Variants in USP49 observed in about 807,000 individuals in gnomAD.
USP49 encodes ubiquitin carboxyl-terminal hydrolase 49.
USP49 carries 24 observed loss-of-function variants against 58.6 expected under a neutral mutation model. The ratio of observed to expected loss-of-function variants is 0.41; its 90% CI spans 0.30 to 0.58. The LOEUF is 0.58. Ranked by LOEUF, USP49 falls within the 20% of genes least tolerant of loss-of-function variation. USP49 has a pLI of 0.30. For missense variants in USP49, 703 were observed against 866.1 expected, an observed-to-expected ratio of 0.81 and a Z score of 2.36; for synonymous variants, 408 against 365.1, an observed-to-expected ratio of 1.12 and a Z score of -1.34.
intron 3 of USP49, among the ~76,000 whole-genome samples, chr6:41,818,578 C>G (rs182060300): frequency 6.6e-6 from 1 of 152,120 alleles, no homozygotes; most frequent in Non-Finnish European, 1.5e-5. Context: ...TTTGAGCCAC[C>G]CCAGGATCCT....
intron 7 of USP49, chr6:41,797,979 C>CA (rs1196435465): frequency 4.1e-6 from 1 of 241,014 alleles, no homozygotes; most frequent in Non-Finnish European, 6.7e-6. Context: ...GCAATTCTCC[C>CA]ACCTCAGCCT....
intron 3 of USP49, among the ~76,000 whole-genome samples, chr6:41,809,359 C>A (rs2127325880): frequency 6.6e-6 from 1 of 151,728 alleles, no homozygotes; most frequent in Admixed American, 6.5e-5. Flanking sequence ...CCCATCTCTA[C>A]TAAAAAAATA....
chr6:41,828,000 A>T (rs1232030018), intron 3 of USP49, among the ~76,000 whole-genome samples: 2 of 152,172 alleles, frequency 1.3e-5, no homozygotes, highest in African/African-American at 4.8e-5. Flanking sequence ...CAGAATTTAA[A>T]ATTTTTTAAA....
chr6:41,804,109 G>A (rs1773067313), intron 4 of USP49, 99 bp from the exon 5 acceptor site: 2 of 1,061,470 alleles, frequency 1.9e-6, no homozygotes, highest in South Asian at 3.5e-5. Context: ...AAAACTAAGT[G>A]TATAATTTTC....
Position 41,803,672 on chromosome 6 carries a change from A to C in USP49, c.1561+134T>G. 2 of 997,166 alleles carry C rather than the reference A, an allele frequency of 2.0e-6. No individual in the cohort carries two copies. Among genetic ancestry groups the C allele is most frequent in the Non-Finnish European group, 2.9e-6 (2 of 678,874 alleles). The allele number at this position is 997,166 out of a possible 1,614,324, so 61.8% of individuals were successfully genotyped here. A position where few individuals can be genotyped will look rare whatever the true frequency, so the allele number is the denominator to read the frequency against. On this transcript the variant is annotated intron_variant, in intron 5 of 7. Transcript: ENST00000682992. The surrounding 1 kb of genome is among the most constrained non-coding windows in gnomAD (Gnocchi z 4.1). ...TTGTTTTTAGAAAAATGGGAGAAAAAGATCTTTAAAAGATGCTTTAGAACC... is the reference window on the plus strand; with the variant it reads ...TTGTTTTTAGAAAAATGGGAGAAAACGATCTTTAAAAGATGCTTTAGAACC...
chr6:41,850,759 C>T (rs529871116), intron 3 of USP49, among the ~76,000 whole-genome samples: 11 of 151,808 alleles, frequency 7.2e-5, no homozygotes, highest in South Asian at 4.2e-4. Flanking sequence ...TGCGCCACCA[C>T]GCCCAGCTAA....
At chr6:41,829,799 G>C (rs946256071) in intron 3 of USP49, among the ~76,000 whole-genome samples, 1 of 152,182 alleles carries the variant, frequency 6.6e-6, no homozygotes, top group Non-Finnish European at 1.5e-5. Flanking sequence ...TGTTAAGTGT[G>C]ATGTCTACCA....
chr6:41,846,324 T>A (rs980722612), intron 3 of USP49, among the ~76,000 whole-genome samples: 4 of 151,524 alleles, frequency 2.6e-5, no homozygotes, highest in South Asian at 2.1e-4. Context: ...CTGAAAAAAA[T>A]AATAAAAATA....
At chr6:41,861,553 C>T (rs1774223105) in intron 3 of USP49, among the ~76,000 whole-genome samples, 1 of 152,190 alleles carries the variant, frequency 6.6e-6, no homozygotes, top group Admixed American at 6.5e-5. Context: ...CTACTGTTAA[C>T]TGAGCATCCT....
rs886869135 is a variant in USP49 at position 41,796,557 on chromosome 6, T to G, written c.2043A>C (p.Glu681Asp). The change falls in exon 8 of 8, where the codon GAA (glutamate) becomes GAC (aspartate). Residue 681 changes from glutamate (E) to aspartate (D), a missense_variant. By Grantham distance (45) the Glu-to-Asp change is conservative. Coordinates refer to ENST00000682992, the MANE Select transcript of USP49 (RefSeq NM_001286554.2). ...QAQVQSSNND[E>D]GRPQTFS ...TTCAGGAAAATGTCTGTGGTCTGCCTTCATCATTGTTGCTGGACTGCACCT... is the reference window on the plus strand; with the variant it reads ...TTCAGGAAAATGTCTGTGGTCTGCCGTCATCATTGTTGCTGGACTGCACCT... 1.4e-6 allele frequency: 1 copy of G among 717,366 alleles called. No individual in the cohort carries two copies. The highest frequency in any genetic ancestry group is 1.7e-5 in the African/African-American group (1 of 57,264). 44.4% of individuals were successfully genotyped at this position (717,366 alleles called of 1,614,324 possible). A position where few individuals can be genotyped will look rare whatever the true frequency, so the allele number is the denominator to read the frequency against.
At chr6:41,811,199 G>T (rs1773252532) in intron 3 of USP49, among the ~76,000 whole-genome samples, 1 of 152,116 alleles carries the variant, frequency 6.6e-6, no homozygotes, top group African/African-American at 2.4e-5. Flanking sequence ...GCCAGATCAT[G>T]ATTTTCTCAT....
At chr6:41,837,079 G>A (rs1379706320) in intron 3 of USP49, among the ~76,000 whole-genome samples, 1 of 152,058 alleles carries the variant, frequency 6.6e-6, no homozygotes. Context: ...AACTACCAAT[G>A]ACATTCTTCT....
At chr6:41,827,924 C>A (rs951450723) in intron 3 of USP49, among the ~76,000 whole-genome samples, 1 of 152,132 alleles carries the variant, frequency 6.6e-6, no homozygotes, top group African/African-American at 2.4e-5. Flanking sequence ...GGTTGCACTG[C>A]TGGTACATGG....
intron 2 of USP49, among the ~76,000 whole-genome samples, chr6:41,874,492 T>C (rs1561924797): frequency 2.0e-5 from 3 of 152,218 alleles, no homozygotes; most frequent in African/African-American, 2.4e-5. Flanking sequence ...CAGTGTTTAA[T>C]GTGTGCCAGA....
At chr6:41,865,144 A>C (rs1774288312) in intron 3 of USP49, among the ~76,000 whole-genome samples, 1 of 151,982 alleles carries the variant, frequency 6.6e-6, no homozygotes, top group African/African-American at 2.4e-5. Context: ...TCCTGGGTTC[A>C]GGCAATTCTC....
chr6:41,878,921 G>A (rs925923232), intron 2 of USP49, among the ~76,000 whole-genome samples: 21 of 152,160 alleles, frequency 1.4e-4, no homozygotes, highest in Non-Finnish European at 1.6e-4. Flanking sequence ...GCAACACACA[G>A]GCCCAAGATA....
chr6:41,850,861 A>C (rs143449355), intron 3 of USP49, among the ~76,000 whole-genome samples: 2,558 of 152,166 alleles, frequency 0.017, 55 homozygotes, highest in African/African-American at 0.051. Flanking sequence ...TCGACCTCCC[A>C]AAGTGCTAGG....
rs1582038742 is a variant in USP49, at chr6:41,882,881, A to C, written c.-103+8913T>G. ...CGGTAAGCTGAGATCGCACCACTGT[A>C]CTCCAGCCTGGGCAACAGAGCAAGA... is the stretch of plus-strand genomic sequence containing the variant. On this transcript the variant is annotated intron_variant, in intron 2 of 7. Coordinates refer to ENST00000682992, the MANE Select transcript of USP49 (RefSeq NM_001286554.2). 2.0e-5 allele frequency among the ~76,000 whole-genome samples: 3 copies of C among 152,172 alleles called. No homozygotes were observed. In the South Asian group the frequency reaches 6.2e-4, roughly 32 times the overall value.
intron 2 of USP49, among the ~76,000 whole-genome samples, chr6:41,882,661 A>C (rs1248939968): frequency 6.6e-6 from 1 of 152,254 alleles, no homozygotes; most frequent in Non-Finnish European, 1.5e-5. Flanking sequence ...TCACGCCTGT[A>C]ATCCCAGCAC....
Sources: gnomAD v4.1 joint callset for allele counts (sites outside exome capture counted in the v4.1 genomes callset) on GRCh38, gnomAD v4.1.1 for gene constraint, Gnocchi (gnomAD v3.1) non-coding constraint, MANE v1.5 for transcripts, NCBI Gene and HGNC (gene_info 2026-07-23, HGNC 2026-07-21) for gene names.